Variants in OXCT1 observed in about 807,000 individuals in gnomAD.
OXCT1 encodes the protein 3-oxoacid CoA-transferase 1.
A neutral mutation model predicts 69.6 loss-of-function variants in OXCT1; 27 were observed. The ratio of observed to expected loss-of-function variants is 0.39; its 90% confidence interval spans 0.29 to 0.54. The LOEUF (loss-of-function observed/expected upper bound fraction) is 0.54, where lower values mean the gene tolerates loss of function less well. Among genes scored for constraint, OXCT1 ranks in the 20% least tolerant of loss-of-function variants. The probability of loss-of-function intolerance (pLI) is 0.72; values close to 1 mark genes in which losing one functional copy is unlikely to be tolerated. For synonymous variants in OXCT1, 202 were observed against 217.8 expected (o/e 0.93, Z 0.64); for missense variants, 437 against 650.2 (o/e 0.67, Z 3.57).
intron 7 of OXCT1, among the ~76,000 whole-genome samples, chr5:41,828,373 C>G (rs1468849599): frequency 6.6e-6 from 1 of 151,998 alleles, no homozygotes; most frequent in African/African-American, 2.4e-5. Flanking sequence ...ATCCACCCTC[C>G]TAGGCCTCCC....
chr5:41,846,119 TG>T (rs1748891357), intron 5 of OXCT1, among the ~76,000 whole-genome samples: 1 of 151,610 alleles, frequency 6.6e-6, no homozygotes, highest in Non-Finnish European at 1.5e-5. Context: ...TATGTATGTA[TG>T]TATGTATTTA....
At chr5:41,754,311 C>T (rs766715887) in intron 14 of OXCT1, among the ~76,000 whole-genome samples, 34 of 152,078 alleles carry the variant, frequency 2.2e-4, no homozygotes, top group Non-Finnish European at 4.4e-4. Flanking sequence ...CCCACTTAAT[C>T]TCAATGCTTA....
chr5:41,849,930 T>C, intron 5 of OXCT1, 100 bp downstream of exon 5: 1 of 1,216,292 alleles, frequency 8.2e-7, no homozygotes, highest in East Asian at 2.3e-5. Flanking sequence ...GTGCTTTTTC[T>C]CACATAGAGG....
chr5:41,733,531 G>A (rs1048034001), intron 16 of OXCT1, among the ~76,000 whole-genome samples: 1 of 152,204 alleles, frequency 6.6e-6, no homozygotes, highest in African/African-American at 2.4e-5. Flanking sequence ...ACAGGCGTAA[G>A]CCACCGTGCC....
At chr5:41,766,054 G>C (rs1744581836) in intron 13 of OXCT1, among the ~76,000 whole-genome samples, 1 of 152,188 alleles carries the variant, frequency 6.6e-6, no homozygotes, top group Admixed American at 6.5e-5. Context: ...CATTGGGCCA[G>C]CATGACACAA....
At chr5:41,851,607 TC>T (rs1272853810) in intron 4 of OXCT1, among the ~76,000 whole-genome samples, 2 of 151,304 alleles carry the variant, frequency 1.3e-5, no homozygotes, top group Non-Finnish European at 2.9e-5. Context: ...TCGATACTCC[TC>T]CCCCTAGCCT....
At chr5:41,735,750 A>G (rs184825283) in intron 16 of OXCT1, among the ~76,000 whole-genome samples, 1 of 152,314 alleles carries the variant, frequency 6.6e-6, no homozygotes, top group Non-Finnish European at 1.5e-5. Context: ...TATTCATGTA[A>G]CTACCCTGAC....
At chr5:41,731,914 C>A in intron 16 of OXCT1, 144 bp from the exon 17 acceptor site, 1 of 1,055,070 alleles carries the variant, frequency 9.5e-7, no homozygotes, top group Non-Finnish European at 1.4e-6. Flanking sequence ...ATTTTCCATC[C>A]TGAAACATTG....
intron 16 of OXCT1, among the ~76,000 whole-genome samples, chr5:41,738,353 C>A (rs774095320): frequency 7.9e-5 from 12 of 152,226 alleles, no homozygotes; most frequent in Non-Finnish European, 1.6e-4. Context: ...CGGGAGGGAC[C>A]TGGTGGGAGG....
At chr5:41,769,104 A>G (rs1478743983) in intron 13 of OXCT1, among the ~76,000 whole-genome samples, 1 of 152,148 alleles carries the variant, frequency 6.6e-6, no homozygotes, top group African/African-American at 2.4e-5. Context: ...CGCTATCCAC[A>G]TGATTATTTT....
intron 13 of OXCT1, 60 bp downstream of exon 13, chr5:41,793,943 G>A: frequency 1.0e-6 from 1 of 987,880 alleles, no homozygotes; most frequent in South Asian, 1.3e-5. Flanking sequence ...CTTTTTCTTA[G>A]TATTTAAAAT....
intron 15 of OXCT1, among the ~76,000 whole-genome samples, chr5:41,742,930 A>T (rs1435491285): frequency 6.6e-6 from 1 of 152,204 alleles, no homozygotes; most frequent in African/African-American, 2.4e-5. Context: ...ATAGTGCCAC[A>T]ATAAACATAC....
At chr5:41,775,413 G>A (rs1056473620) in intron 13 of OXCT1, among the ~76,000 whole-genome samples, 1 of 152,118 alleles carries the variant, frequency 6.6e-6, no homozygotes, top group East Asian at 1.9e-4. Context: ...ATACAACTAA[G>A]GAATGGCCCA....
At chr5:41,786,117 A>G (rs1745631348) in intron 13 of OXCT1, among the ~76,000 whole-genome samples, 1 of 152,186 alleles carries the variant, frequency 6.6e-6, no homozygotes, top group South Asian at 2.1e-4. Flanking sequence ...GTAAGAGTCT[A>G]TATGTTAAGT....
At chr5:41,865,210 A>G (rs768608492) in intron 1 of OXCT1, among the ~76,000 whole-genome samples, 8 of 152,146 alleles carry the variant, frequency 5.3e-5, no homozygotes, top group Non-Finnish European at 1.2e-4. Context: ...AATTTTTGGT[A>G]CCCATTAACC....
chr5:41,770,256 AC>A (rs1181102282), intron 13 of OXCT1, among the ~76,000 whole-genome samples: 1 of 152,240 alleles, frequency 6.6e-6, no homozygotes, highest in Non-Finnish European at 1.5e-5. Flanking sequence ...GACATTACCT[AC>A]AGAGAAAATG....
intron 3 of OXCT1, among the ~76,000 whole-genome samples, chr5:41,859,621 A>T (rs1213019168): frequency 2.0e-5 from 3 of 151,890 alleles, no homozygotes; most frequent in South Asian, 2.1e-4. Flanking sequence ...ACATCCCAGG[A>T]ATTGGTTAGC....
intron 12 of OXCT1, 182 bp from the exon 13 acceptor site, chr5:41,794,260 G>A: frequency 3.2e-6 from 2 of 634,692 alleles, no homozygotes; most frequent in South Asian, 1.9e-5. Context: ...AATTCTTTTT[G>A]AAAAAAAAGT....
At chr5:41,852,594 T>C (rs1405824956) in intron 4 of OXCT1, among the ~76,000 whole-genome samples, 2 of 152,196 alleles carry the variant, frequency 1.3e-5, no homozygotes, top group Non-Finnish European at 2.9e-5. Flanking sequence ...AGAGATGACA[T>C]AGAAAATGAG....
Sources: allele counts gnomAD v4.1 joint callset (sites outside exome capture counted in the v4.1 genomes callset), GRCh38; gene constraint gnomAD v4.1.1; transcripts MANE v1.5; gene names NCBI Gene and HGNC (gene_info 2026-07-23, HGNC 2026-07-21).